Variants in CREB3L1 observed in about 807,000 individuals in gnomAD.
CREB3L1 encodes the protein cAMP responsive element binding protein 3 like 1, also known as cyclic AMP-responsive element-binding protein 3-like protein 1.
CREB3L1 carries 33 observed loss-of-function variants against 54.5 expected under a neutral mutation model. That is an observed-to-expected ratio of 0.61 (90% CI 0.46 to 0.81). The LOEUF is 0.81. CREB3L1 is among the 30% of genes least tolerant of loss of function. The probability of loss-of-function intolerance (pLI) is 0.00; values close to 1 mark genes in which losing one functional copy is unlikely to be tolerated. For synonymous variants in CREB3L1, 284 were observed against 286.4 expected (o/e 0.99, Z 0.08); for missense variants, 656 against 673.3 (o/e 0.97, Z 0.29).
At chr11:46,281,307 G>A (rs1938969452) in intron 1 of CREB3L1, among the ~76,000 whole-genome samples, 2 of 152,188 alleles carry the variant, frequency 1.3e-5, no homozygotes, top group Admixed American at 1.3e-4. Context: ...TGGGCTCCAA[G>A]AACTGGGATA....
At chr11:46,296,728 G>A (rs1939216071) in intron 1 of CREB3L1, among the ~76,000 whole-genome samples, 1 of 152,132 alleles carries the variant, frequency 6.6e-6, no homozygotes, top group African/African-American at 2.4e-5. Context: ...CCTGGGCGTC[G>A]GAGTGTCCTC....
At chr11:46,307,269 T>C (rs965094485) in intron 2 of CREB3L1, among the ~76,000 whole-genome samples, 1 of 152,136 alleles carries the variant, frequency 6.6e-6, no homozygotes, top group African/African-American at 2.4e-5. Flanking sequence ...TGTGTATTTT[T>C]TGTAGAGATG....
chr11:46,300,163 G>A lies in CREB3L1; in HGVS notation c.331G>A (p.Asp111Asn), dbSNP rs948734369. 6.2e-7 allele frequency: 1 copy of A among 1,608,368 alleles called. No individual in the cohort carries two copies. Among genetic ancestry groups the A allele is most frequent in the Non-Finnish European group, 8.5e-7 (1 of 1,176,912 alleles). Reference sequence around the variant, plus strand: ...CATCAAGATGGAGGACACCACCCAAGGTAAGAGGTGGAAGAACCTGGGGAC... The same window carrying A: ...CATCAAGATGGAGGACACCACCCAAAGTAAGAGGTGGAAGAACCTGGGGAC... ...VPIKMEDTTQ[D>N]AEHGAWALGH... Residue 111 changes from aspartate to asparagine, a missense_variant and splice_region_variant, in exon 2 of 12, where the codon GAT becomes AAT. Asp to Asn is a conservative substitution (Grantham distance 23). Coordinates refer to ENST00000621158, the MANE Select transcript of CREB3L1 (RefSeq NM_052854.4).
At chr11:46,294,330 C>T (rs1379068295) in intron 1 of CREB3L1, among the ~76,000 whole-genome samples, 1 of 152,130 alleles carries the variant, frequency 6.6e-6, no homozygotes, top group Non-Finnish European at 1.5e-5. Flanking sequence ...CAGGGAGGGA[C>T]TGGCTCCAGG....
intron 1 of CREB3L1, among the ~76,000 whole-genome samples, chr11:46,298,334 GC>G (rs1427281385): frequency 6.6e-6 from 1 of 152,180 alleles, no homozygotes; most frequent in Admixed American, 6.5e-5. Flanking sequence ...ACCTAAGGCA[GC>G]CCCCCATCCC....
intron 1 of CREB3L1, among the ~76,000 whole-genome samples, chr11:46,291,707 G>A (rs535605220): frequency 9.8e-5 from 15 of 152,304 alleles, no homozygotes; most frequent in Admixed American, 2.6e-4. Flanking sequence ...TTGAAGCATC[G>A]GGTGGGTCAA....
At position 46,317,483 on chromosome 11, in the gene CREB3L1, C is replaced by A. The variant is rs770613994; in HGVS notation, c.1254C>A (p.Ser418Arg). The A allele has an allele frequency of 6.2e-7, 1 of 1,608,960 alleles. No individual in the cohort carries two copies. Among genetic ancestry groups the A allele is most frequent in the South Asian group, 1.1e-5 (1 of 91,070 alleles). ...PLAADGVYTA[S>R]QMPSRSLLFY... The stretch of plus-strand genomic sequence containing the variant: ...CCGCAGACGGCGTCTACACGGCCAG[C>A]CAGAGTGAGTGCCCGCCTGTCATGC... Residue 418 changes from serine (S) to arginine (R), a missense_variant, in exon 10 of 12, where the codon AGC becomes AGA. This residue lies in a region of CREB3L1 where 240 missense variants were observed against 219.8 expected (regional missense o/e 1.09). Transcript: ENST00000621158.
At chr11:46,305,690 ATGTGTGTGTGTGTG>A (rs764468204) in intron 2 of CREB3L1, among the ~76,000 whole-genome samples, 22 of 111,614 alleles carry the variant, frequency 2.0e-4, no homozygotes, top group African/African-American at 5.0e-4. Flanking sequence ...GTGTGTATAT[ATGTGTGTGTGTGTG>A]TGTGTGTGTG....
chr11:46,301,642 A>G (rs549714779), intron 2 of CREB3L1, among the ~76,000 whole-genome samples: 14 of 150,376 alleles, frequency 9.3e-5, no homozygotes, highest in Middle Eastern at 3.5e-3. Flanking sequence ...CAGCCTGGGC[A>G]ACAGAGTGAG....
chr11:46,297,179 G>A (rs1396210488), intron 1 of CREB3L1, among the ~76,000 whole-genome samples: 1 of 152,228 alleles, frequency 6.6e-6, no homozygotes, highest in Non-Finnish European at 1.5e-5. Flanking sequence ...CGGCAGGCCC[G>A]GGCTCTGCGG....
At chr11:46,308,146 G>A in intron 3 of CREB3L1, 146 bp downstream of exon 3, 1 of 712,276 alleles carries the variant, frequency 1.4e-6, no homozygotes, top group Non-Finnish European at 2.2e-6. Flanking sequence ...CCCCCGCCCA[G>A]CCCAGGCCTC....
intron 3 of CREB3L1, among the ~76,000 whole-genome samples, chr11:46,309,314 T>C (rs1370429401): frequency 1.3e-5 from 2 of 152,328 alleles, no homozygotes; most frequent in East Asian, 3.9e-4. Flanking sequence ...AACAACGCCT[T>C]CCTCAGACAG....
chr11:46,280,196 TG>T (rs201157785), intron 1 of CREB3L1, among the ~76,000 whole-genome samples: 33 of 143,122 alleles, frequency 2.3e-4, no homozygotes, highest in African/African-American at 4.6e-4. Context: ...TTTTGTTTTT[TG>T]TTTTTTTTCA....
At chr11:46,301,043 G>A (rs1310147430) in intron 2 of CREB3L1, among the ~76,000 whole-genome samples, 1 of 150,444 alleles carries the variant, frequency 6.6e-6, no homozygotes, top group East Asian at 1.9e-4. Flanking sequence ...AGCTGGGCGC[G>A]GTGGTGGGTG....
intron 5 of CREB3L1, 112 bp from the exon 6 acceptor site, chr11:46,312,213 G>A (rs992996882): frequency 4.6e-6 from 4 of 868,832 alleles, no homozygotes; most frequent in Admixed American, 5.9e-5. Context: ...TGAGGAAACT[G>A]AGGCATAGAG....
At chr11:46,299,507 C>T (rs1222816242) in intron 1 of CREB3L1, among the ~76,000 whole-genome samples, 2 of 152,186 alleles carry the variant, frequency 1.3e-5, no homozygotes, top group South Asian at 2.1e-4. Context: ...CGTAGACACA[C>T]GGTTGTTCTT....
intron 1 of CREB3L1, among the ~76,000 whole-genome samples, chr11:46,286,529 T>C (rs547998243): frequency 6.6e-6 from 1 of 152,352 alleles, no homozygotes; most frequent in South Asian, 2.1e-4. Flanking sequence ...CCGGGCATGG[T>C]GGCTCATGCC....
chr11:46,277,841 A>G lies in CREB3L1; in HGVS notation c.-271A>G, dbSNP rs1333792243. 3.0e-6 allele frequency: 1 copy of G among 334,638 alleles called. No individual in the cohort carries two copies. Among genetic ancestry groups the G allele is most frequent in the Non-Finnish European group, 5.4e-6 (1 of 184,696 alleles). The allele number at this position is 334,638 out of a possible 1,614,324, so 20.7% of individuals were successfully genotyped here. A position where few individuals can be genotyped will look rare whatever the true frequency, so the allele number is the denominator to read the frequency against. On this transcript the variant is annotated 5_prime_UTR_variant, in exon 1 of 12. Coordinates refer to ENST00000621158, the MANE Select transcript of CREB3L1 (RefSeq NM_052854.4). ...CCATGGAAGCCAGCTGTGCCCCAGG[A>G]GGAGCAGGAGGAGGTGGAGTCGGCT...
At chr11:46,302,417 C>A (rs1190290529) in intron 2 of CREB3L1, among the ~76,000 whole-genome samples, 1 of 152,062 alleles carries the variant, frequency 6.6e-6, no homozygotes, top group Non-Finnish European at 1.5e-5. Flanking sequence ...ATTCAAGACC[C>A]ACATTGTGCC....
Sources: allele counts gnomAD v4.1 joint callset (sites outside exome capture counted in the v4.1 genomes callset), GRCh38; gene constraint gnomAD v4.1.1; regional missense constraint gnomAD v4.1.1; transcripts MANE v1.5; gene names NCBI Gene and HGNC (gene_info 2026-07-23, HGNC 2026-07-21).